Variants in MASP1 observed in about 807,000 individuals in gnomAD.
MASP1 encodes mannan-binding lectin serine protease 1.
MASP1 carries 59 observed loss-of-function variants against 77.1 expected under a neutral mutation model. The ratio of observed to expected loss-of-function variants is 0.77; its 90% CI spans 0.62 to 0.95. MASP1 has a LOEUF of 0.95. Among genes scored for constraint, MASP1 ranks in the 40% least tolerant of loss-of-function variants. MASP1 has a pLI of 0.00. For synonymous variants in MASP1, 362 were observed against 354.5 expected (o/e 1.02, Z -0.24); for missense variants, 885 against 912.9 (o/e 0.97, Z 0.39).
At position 187,256,422 on chromosome 3, in the gene MASP1, T is replaced by C. The variant is rs112300321; in HGVS notation, c.744+242A>G. Among the ~76,000 whole-genome samples, 9 of 152,346 alleles carry C rather than the reference T, an allele frequency of 5.9e-5. 1 individual carries two copies. The highest frequency in any genetic ancestry group is 2.2e-4 in the African/African-American group (9 of 41,584). ...GTGCCCGCCAGAGACCTTTCTAAAA[T>C]GCAGATTCACGACTCTCCTCCTCAA... On this transcript the variant is annotated intron_variant, in intron 5 of 10. Transcript: ENST00000296280.
rs780447379 is a variant in MASP1 at position 187,291,660 on chromosome 3, C to A, written c.-28G>T. ...TCCTGCCTTGGGTGCTCCCGGCTGC[C>A]CGGCCTTGGTCCTCCCAGCTTGACT... On this transcript the variant is annotated 5_prime_UTR_variant, in exon 1 of 11. Transcript: ENST00000296280. 1 of 1,614,206 alleles carries A rather than the reference C, an allele frequency of 6.2e-7. No individual in the cohort carries two copies. The highest frequency in any genetic ancestry group is 1.1e-5 in the South Asian group (1 of 91,080).
At chr3:187,287,219 T>C (rs1332158179) in intron 1 of MASP1, among the ~76,000 whole-genome samples, 1 of 152,212 alleles carries the variant, frequency 6.6e-6, no homozygotes, top group African/African-American at 2.4e-5. Flanking sequence ...CCTTTTGATC[T>C]GGCTGATCTG....
chr3:187,231,285 C>T (rs1365779355), downstream of MASP1, among the ~76,000 whole-genome samples: 1 of 152,236 alleles, frequency 6.6e-6, no homozygotes, highest in Non-Finnish European at 1.5e-5. Flanking sequence ...TTTTTCATCT[C>T]TCCTTATTCT....
intron 2 of MASP1, among the ~76,000 whole-genome samples, chr3:187,273,605 A>G (rs556518718): frequency 6.0e-4 from 92 of 152,294 alleles, no homozygotes; most frequent in African/African-American, 2.2e-3. Flanking sequence ...CGGAAAGTCC[A>G]TCACTCCCAG....
intron 3 of MASP1, 70 bp downstream of exon 3, chr3:187,262,473 G>A: frequency 4.8e-6 from 7 of 1,469,332 alleles, no homozygotes; most frequent in Non-Finnish European, 6.7e-6. Flanking sequence ...GTAAAGGAGA[G>A]GTCACAAGGC....
chr3:187,269,667 C>T lies in MASP1; in HGVS notation c.238-6947G>A, dbSNP rs117693166. Reference sequence around the variant, plus strand: ...CATTCTTGGTATCTGGAGTTGGCAACATGTGCCTGGCTAAATTTCAGAATT... The same window carrying T: ...CATTCTTGGTATCTGGAGTTGGCAATATGTGCCTGGCTAAATTTCAGAATT... On this transcript the variant is annotated intron_variant, in intron 2 of 10. Transcript: ENST00000296280. 4.1e-4 allele frequency among the ~76,000 whole-genome samples: 63 copies of T among 152,306 alleles called. 1 individual carries two copies. In the East Asian group the frequency reaches 0.012, roughly 29 times the overall value.
At chr3:187,257,120 T>C (rs1449594078) in intron 4 of MASP1, among the ~76,000 whole-genome samples, 1 of 152,036 alleles carries the variant, frequency 6.6e-6, no homozygotes, top group Non-Finnish European at 1.5e-5. Flanking sequence ...TCAGATCCTC[T>C]GGTATGGGGG....
At chr3:187,271,814 T>C (rs1716546210) in intron 2 of MASP1, among the ~76,000 whole-genome samples, 1 of 152,194 alleles carries the variant, frequency 6.6e-6, no homozygotes, top group Non-Finnish European at 1.5e-5. Context: ...ATTCATCTGC[T>C]ATCACCCTCC....
chr3:187,247,931 T>C (rs1348806014), intron 8 of MASP1, among the ~76,000 whole-genome samples: 2 of 152,196 alleles, frequency 1.3e-5, no homozygotes, highest in Admixed American at 6.5e-5. Context: ...TCAGGTGTGA[T>C]ATCTATCTTT....
At chr3:187,276,692 C>T (rs989755771) in intron 2 of MASP1, 2 of 152,248 alleles carry the variant, frequency 1.3e-5, no homozygotes, top group Non-Finnish European at 2.9e-5. Context: ...TTTCATTACA[C>T]TTTCCTGAAG....
At chr3:187,270,933 T>C (rs1010024885) in intron 2 of MASP1, among the ~76,000 whole-genome samples, 1 of 152,244 alleles carries the variant, frequency 6.6e-6, no homozygotes, top group Non-Finnish European at 1.5e-5. Context: ...GACCATCTCA[T>C]TGGGCCCAGC....
At position 187,260,890 on chromosome 3, in the gene MASP1, C is replaced by T. The variant is rs1404955830; in HGVS notation, c.416-18G>A. 2 of 1,613,900 alleles carry T rather than the reference C, an allele frequency of 1.2e-6. No individual in the cohort carries two copies. Among genetic ancestry groups the T allele is most frequent in the Non-Finnish European group, 1.7e-6 (2 of 1,179,930 alleles). ...GTCCACATCTGTAGGGCAGGTAAAG[C>T]CTCTCCATCAATACATGCATGATGA... On this transcript the variant is annotated intron_variant, in intron 3 of 10. Coordinates refer to ENST00000296280, the MANE Select transcript of MASP1 (RefSeq NM_139125.4).
At chr3:187,283,591 A>T (rs781281974) in intron 2 of MASP1, among the ~76,000 whole-genome samples, 1 of 152,220 alleles carries the variant, frequency 6.6e-6, no homozygotes, top group Non-Finnish European at 1.5e-5. Flanking sequence ...CATCCCTACA[A>T]CTGAGCAAAA....
Position 187,255,228 on chromosome 3 carries a change from G to A in MASP1, c.744+1436C>T, listed in dbSNP as rs549740749. 3.9e-5 allele frequency among the ~76,000 whole-genome samples: 6 copies of A among 152,284 alleles called. No individual in the cohort carries two copies. The South Asian group carries it at 6.2e-4, about 16-fold the overall frequency. ...GTCAGGGAGATTTGAAGTGTAATAG[G>A]AATTTGATGGAAGGGACTGTCTCTG... is the stretch of plus-strand genomic sequence containing the variant. On this transcript the variant is annotated intron_variant, in intron 5 of 10. Transcript: ENST00000296280.
In MASP1 at chr3:187,220,958, C is replaced by T. The variant is rs888481106; in HGVS notation, c.1909+77G>A. The T allele has an allele frequency of 3.3e-6, 4 of 1,225,472 alleles. No homozygotes were observed. The South Asian group carries it at 4.9e-5, about 15-fold the overall frequency. 75.9% of individuals were successfully genotyped at this position (1,225,472 alleles called of 1,614,324 possible). ...ACTGCCAGCCCACCAGGTTGGGAGG[C>T]CTCTGTGCTCCCTTGCTGGCTCTGC... On this transcript the variant is annotated intron_variant, in intron 15 of 15. Transcript: ENST00000337774.
intron 2 of MASP1, among the ~76,000 whole-genome samples, chr3:187,275,720 G>A (rs1043499197): frequency 2.6e-5 from 4 of 152,050 alleles, no homozygotes; most frequent in African/African-American, 7.3e-5. Context: ...GGCTCTCTGT[G>A]TCTGTGCTAT....
intron 15 of MASP1, among the ~76,000 whole-genome samples, chr3:187,220,794 G>A (rs539291869): frequency 1.4e-4 from 21 of 152,284 alleles, no homozygotes; most frequent in South Asian, 6.2e-4. Context: ...CACCGTGCCC[G>A]GCCAAGGCCT....
Position 187,220,492 on chromosome 3 carries a change from C to CTTTTTTTT in MASP1, c.1910-232_1910-231insAAAAAAAA, listed in dbSNP as rs747532550. On this transcript the variant is annotated intron_variant, in intron 15 of 15. Coordinates refer to the MASP1 transcript ENST00000337774. Reference sequence around the variant, plus strand: ...TTCTTTTCTTTTCTTTTTCTTTTTTCTTTCTTTTTTTTTTTTTTTTTGAGA... The same window carrying CTTTTTTTT: ...TTCTTTTCTTTTCTTTTTCTTTTTTCTTTTTTTTTTTCTTTTTTTTTTTTTTTTTGAGA... Among the ~76,000 whole-genome samples the CTTTTTTTT allele has an allele frequency of 1.1e-3, 151 of 134,516 alleles. 1 individual carries two copies. The highest frequency in any genetic ancestry group is 1.7e-3 in the Non-Finnish European group (107 of 64,714). The allele number at this position is 134,516 out of a possible 152,430, so 88.2% of individuals were successfully genotyped here.
In MASP1 at chr3:187,235,148, T is replaced by A; in HGVS notation, c.*536A>T. Reference sequence around the variant, plus strand: ...AGGGATCACACTAAGAGAGAGGGGCTTGGCTATGAGCCATCTCCCAAAACC... The same window carrying A: ...AGGGATCACACTAAGAGAGAGGGGCATGGCTATGAGCCATCTCCCAAAACC... On this transcript the variant is annotated 3_prime_UTR_variant, in exon 11 of 11. Coordinates refer to ENST00000296280, the MANE Select transcript of MASP1 (RefSeq NM_139125.4). 2 of 1,287,556 alleles carry A rather than the reference T, an allele frequency of 1.6e-6. No individual in the cohort carries two copies. Among genetic ancestry groups the A allele is most frequent in the Non-Finnish European group, 2.0e-6 (2 of 988,906 alleles). The allele number at this position is 1,287,556 out of a possible 1,614,324, so 79.8% of individuals were successfully genotyped here.
Sources: gnomAD v4.1 joint callset for allele counts (sites outside exome capture counted in the v4.1 genomes callset) on GRCh38, gnomAD v4.1.1 for gene constraint, MANE v1.5 for transcripts, NCBI Gene and HGNC (gene_info 2026-07-23, HGNC 2026-07-21) for gene names.